The following ITM2C variants were observed in gnomAD, a reference collection of about 807,000 sequenced individuals.
The protein encoded by ITM2C is BRICHOS domain containing 2C.
ITM2C carries 20 observed loss-of-function variants against 30.0 expected under a neutral mutation model. The ratio of observed to expected loss-of-function variants is 0.67; its 90% CI spans 0.47 to 0.97. The LOEUF (loss-of-function observed/expected upper bound fraction) is 0.97. Ranked by LOEUF, ITM2C falls within the 50% of genes least tolerant of loss-of-function variation. The probability of loss-of-function intolerance (pLI) is 0.00; values close to 1 mark genes in which losing one functional copy is unlikely to be tolerated. For missense variants in ITM2C, 366 were observed against 371.9 expected (o/e 0.98, Z 0.13); for synonymous variants, 167 against 156.4 (o/e 1.07, Z -0.51).
At chr2:230,872,799 GCC>G (rs747842360) in intron 1 of ITM2C, among the ~76,000 whole-genome samples, 11 of 152,096 alleles carry the variant, frequency 7.2e-5, no homozygotes, top group Non-Finnish European at 1.5e-4. Flanking sequence ...TGGAGCCCCT[GCC>G]CCCATCAGTC....
rs1186061704 is a variant in ITM2C, at chr2:230,877,679, T to G, written c.712+129T>G. On this transcript the variant is annotated intron_variant, in intron 5 of 5. Coordinates refer to ENST00000326427, the MANE Select transcript of ITM2C (RefSeq NM_030926.6). This position sits in a 1 kb window ranked among gnomAD's most constrained non-coding sequence, Gnocchi z 4.8. ...TAACAGCTAGCATTAGCAGAGCACT[T>G]CCGTGTGCCGGGCAATGCTGTGTGC... 7 of 970,022 alleles carry G rather than the reference T, an allele frequency of 7.2e-6. No individual in the cohort carries two copies. Among genetic ancestry groups the G allele is most frequent in the Non-Finnish European group, 1.1e-5 (7 of 644,076 alleles). 60.1% of individuals were successfully genotyped at this position (970,022 alleles called of 1,614,324 possible).
At position 230,870,003 on chromosome 2, in the gene ITM2C, G is replaced by A. The variant is rs574647637; in HGVS notation, c.121-3414G>A. ...TTCCTATGGGGAGCAACATTTTTCT[G>A]GGTCCCCAGCATGATAGGTGGTGCG... is the stretch of plus-strand genomic sequence containing the variant. On this transcript the variant is annotated intron_variant, in intron 1 of 5. Transcript: ENST00000326427. Among the ~76,000 whole-genome samples, 8 of 152,368 alleles carry A rather than the reference G, an allele frequency of 5.3e-5. No individual in the cohort carries two copies. The East Asian group carries it at 1.5e-3, about 29-fold the overall frequency.
In ITM2C at chr2:230,879,141, G is replaced by A. The variant is rs1281884582; in HGVS notation, c.*1042G>A. The A allele has an allele frequency of 6.6e-6, 1 of 152,598 alleles. No homozygotes were observed. The highest frequency in any genetic ancestry group is 1.5e-5 in the Non-Finnish European group (1 of 68,048). The allele number at this position is 152,598 out of a possible 1,614,324, so 9.5% of individuals were successfully genotyped here. A position where few individuals can be genotyped will look rare whatever the true frequency, so the allele number is the denominator to read the frequency against. On this transcript the variant is annotated 3_prime_UTR_variant, in exon 6 of 6. Coordinates refer to ENST00000326427, the MANE Select transcript of ITM2C (RefSeq NM_030926.6). ...GAGCCTTGGAGAGGAGGGCTGTAAC[G>A]CCTTCAGTCAGTCTCTGGGGATGAA...
chr2:230,873,178 T>C, intron 1 of ITM2C: 1 of 429,148 alleles, frequency 2.3e-6, no homozygotes, highest in Non-Finnish European at 4.1e-6. Flanking sequence ...TGTGTCTTGG[T>C]TTCTCTTTCG....
At position 230,877,544 on chromosome 2, in the gene ITM2C, C is replaced by T. The variant is rs146498709; in HGVS notation, c.706C>T (p.Arg236Trp). The T allele has an allele frequency of 2.6e-4, 426 of 1,613,476 alleles. 1 individual carries two copies. The highest frequency in any genetic ancestry group is 4.2e-4 in the Admixed American group (25 of 60,016). The change falls in exon 5 of 6, where the codon CGG (arginine) becomes TGG (tryptophan). Residue 236 changes from arginine (R) to tryptophan (W), a missense_variant. By Grantham distance (101) the Arg-to-Trp change is moderately radical. Coordinates refer to ENST00000326427, the MANE Select transcript of ITM2C (RefSeq NM_030926.6). This position sits in a 1 kb window ranked among gnomAD's most constrained non-coding sequence, Gnocchi z 4.8. ...DTYRLRRRATRRRINKRGAKN... is the reference protein window; with the variant it reads ...DTYRLRRRATWRRINKRGAKN... ...CTACCGGCTCCGGCGCCGGGCAACG[C>T]GGAGGCGTGAGTGGCTGGCTTCACC...
At chr2:230,866,084 C>T (rs1336525396) in intron 1 of ITM2C, among the ~76,000 whole-genome samples, 1 of 152,160 alleles carries the variant, frequency 6.6e-6, no homozygotes, top group Non-Finnish European at 1.5e-5. Flanking sequence ...GGGAAGGGCC[C>T]GCAGGGGGCA....
intron 1 of ITM2C, among the ~76,000 whole-genome samples, chr2:230,872,647 C>T (rs1448125799): frequency 1.3e-5 from 2 of 152,150 alleles, no homozygotes; most frequent in African/African-American, 2.4e-5. Flanking sequence ...TGGAAGCTTC[C>T]GGGCTTCATC....
At chr2:230,874,908 G>C (rs1339975072) in intron 2 of ITM2C, among the ~76,000 whole-genome samples, 2 of 152,250 alleles carry the variant, frequency 1.3e-5, no homozygotes, top group Non-Finnish European at 2.9e-5. Flanking sequence ...ACCAGACACA[G>C]TGTCTGTCAA....
chr2:230,870,369 C>G (rs1490337434), intron 1 of ITM2C, among the ~76,000 whole-genome samples: 3 of 152,246 alleles, frequency 2.0e-5, no homozygotes, highest in African/African-American at 7.2e-5. Flanking sequence ...TTTCTGGTAG[C>G]CTGTAATGCT....
intron 1 of ITM2C, among the ~76,000 whole-genome samples, chr2:230,869,927 A>G (rs1202973586): frequency 1.3e-5 from 2 of 152,214 alleles, no homozygotes; most frequent in Non-Finnish European, 2.9e-5. Context: ...ATATTTTTCT[A>G]CTATCTAAAT....
At chr2:230,875,844 A>AGGGGGGGGGGG in intron 3 of ITM2C, 36 bp downstream of exon 3, 4 of 140,560 alleles carry the variant, frequency 2.8e-5, no homozygotes, top group South Asian at 1.4e-4. Context: ...GGGGGGTGGG[A>AGGGGGGGGGGG]GGGTGTCCCG....
In ITM2C at chr2:230,879,043, C is replaced by G. The variant is rs1260894741; in HGVS notation, c.*944C>G. ...CCATCCCCCTCAGCTTAGGGGAATG[C>G]ACCTTTTTCCCTTTCCTTCTCACTT... is the stretch of plus-strand genomic sequence containing the variant. On this transcript the variant is annotated 3_prime_UTR_variant, in exon 6 of 6. Coordinates refer to ENST00000326427, the MANE Select transcript of ITM2C (RefSeq NM_030926.6). 1 of 152,686 alleles carries G rather than the reference C, an allele frequency of 6.5e-6. No individual in the cohort carries two copies. The highest frequency in any genetic ancestry group is 2.4e-5 in the African/African-American group (1 of 41,452). 9.5% of individuals were successfully genotyped at this position (152,686 alleles called of 1,614,324 possible).
intron 1 of ITM2C, among the ~76,000 whole-genome samples, chr2:230,866,028 G>T (rs1013893080): frequency 6.8e-6 from 1 of 147,840 alleles, no homozygotes; most frequent in African/African-American, 2.6e-5. Flanking sequence ...GGGGAGAGAA[G>T]GCATTTCCGC....
chr2:230,867,701 C>G (rs545202773), intron 1 of ITM2C, among the ~76,000 whole-genome samples: 1 of 151,404 alleles, frequency 6.6e-6, no homozygotes, highest in Admixed American at 6.6e-5. Context: ...TCACTTTTAC[C>G]CAGGCTAGAG....
Position 230,865,175 on chromosome 2 carries a change from G to T in ITM2C, c.120+30G>T. 1 of 1,390,116 alleles carries T rather than the reference G, an allele frequency of 7.2e-7. No individual in the cohort carries two copies. The highest frequency in any genetic ancestry group is 9.4e-7 in the Non-Finnish European group (1 of 1,060,038). 86.1% of individuals were successfully genotyped at this position (1,390,116 alleles called of 1,614,324 possible). A position where few individuals can be genotyped will look rare whatever the true frequency, so the allele number is the denominator to read the frequency against. Reference sequence around the variant, plus strand: ...GAGGGTCTGGGGCTCAGGCGGTGGGGCGGGGGACCCAGGCTCACGACCCAG... The same window carrying T: ...GAGGGTCTGGGGCTCAGGCGGTGGGTCGGGGGACCCAGGCTCACGACCCAG... On this transcript the variant is annotated intron_variant, in intron 1 of 5. Transcript: ENST00000326427. This position sits in a 1 kb window ranked among gnomAD's most constrained non-coding sequence, Gnocchi z 6.8.
intron 1 of ITM2C, among the ~76,000 whole-genome samples, chr2:230,866,862 C>G (rs569894138): frequency 6.6e-6 from 1 of 152,270 alleles, no homozygotes; most frequent in Non-Finnish European, 1.5e-5. Flanking sequence ...CCAACTCCAT[C>G]AGAAGGTCCC....
At chr2:230,875,414 C>T (rs1207351175) in intron 2 of ITM2C, among the ~76,000 whole-genome samples, 1 of 152,216 alleles carries the variant, frequency 6.6e-6, no homozygotes. Context: ...AGAATCAGCT[C>T]ATCTCCTCAC....
At chr2:230,866,960 GC>G (rs1208001987) in intron 1 of ITM2C, among the ~76,000 whole-genome samples, 1 of 152,198 alleles carries the variant, frequency 6.6e-6, no homozygotes, top group Non-Finnish European at 1.5e-5. Context: ...GCATCTCGGG[GC>G]ATAACTGACA....
chr2:230,875,995 G>A (rs565573073), intron 3 of ITM2C, among the ~76,000 whole-genome samples, 187 bp downstream of exon 3: 1 of 152,292 alleles, frequency 6.6e-6, no homozygotes, highest in Admixed American at 6.5e-5. Context: ...TGAAGCAGCC[G>A]AGGCTGATTT....
Sources: gnomAD v4.1 joint callset for allele counts (sites outside exome capture counted in the v4.1 genomes callset) on GRCh38, gnomAD v4.1.1 for gene constraint, Gnocchi (gnomAD v3.1) non-coding constraint, MANE v1.5 for transcripts, NCBI Gene and HGNC (gene_info 2026-07-23, HGNC 2026-07-21) for gene names.